The following SPTSSA variants were observed in gnomAD, a reference collection of about 807,000 sequenced individuals.
SPTSSA encodes the protein small subunit of serine palmitoyltransferase A.
Under a neutral mutation model 9.1 loss-of-function variants are expected in SPTSSA, and 8 were observed. The ratio of observed to expected loss-of-function variants is 0.88; its 90% CI spans 0.51 to 1.58. SPTSSA has a LOEUF of 1.58. Ranked by LOEUF, SPTSSA falls within the 40% of genes most tolerant of loss-of-function variation. The pLI is 0.00. For missense variants in SPTSSA, 100 were observed against 93.8 expected, an observed-to-expected ratio of 1.07 and a Z score of -0.27; for synonymous variants, 42 against 37.7, an observed-to-expected ratio of 1.11 and a Z score of -0.41.
chr14:34,447,215 C>T (rs948710191), intron 1 of SPTSSA, among the ~76,000 whole-genome samples: 10 of 126,068 alleles, frequency 7.9e-5, no homozygotes, highest in Middle Eastern at 4.4e-3. Flanking sequence ...CAGAGCGAGA[C>T]TCCATCTCTT....
intron 1 of SPTSSA, among the ~76,000 whole-genome samples, chr14:34,441,968 C>T (rs188600592): frequency 5.9e-5 from 9 of 152,182 alleles, no homozygotes; most frequent in South Asian, 2.1e-4. Flanking sequence ...CTCCGCCTCC[C>T]GGGTTCAAGC....
chr14:34,433,966 AAAAAAAAAAC>A lies in SPTSSA; in HGVS notation c.*1225_*1234del, dbSNP rs1883198497. The A allele has an allele frequency of 6.6e-6, 1 of 151,232 alleles. No homozygotes were observed. The highest frequency in any genetic ancestry group is 2.5e-5 in the African/African-American group (1 of 40,614). The allele number at this position is 151,232 out of a possible 1,614,324, so 9.4% of individuals were successfully genotyped here. On this transcript the variant is annotated 3_prime_UTR_variant, in exon 2 of 2. Transcript: ENST00000298130. ...CGACAGGGCAAGACTCCGTCTCAAAAAAAAAAAAACAAAAAAACAACCCAGCAACACACAT... is the reference window on the plus strand; with the variant it reads ...CGACAGGGCAAGACTCCGTCTCAAAAAAAAAAACAACCCAGCAACACACAT...
At position 34,433,469 on chromosome 14, in the gene SPTSSA, G is replaced by A. The variant is rs1883189444; in HGVS notation, c.*1732C>T. ...GTTAAATCCTCGTATTATTTTTCTT[G>A]AGATAATATGACTACAGCTCAGATA... is the stretch of plus-strand genomic sequence containing the variant. On this transcript the variant is annotated 3_prime_UTR_variant, in exon 2 of 2. Coordinates refer to ENST00000298130, the MANE Select transcript of SPTSSA (RefSeq NM_138288.4). 1 of 152,020 alleles carries A rather than the reference G, an allele frequency of 6.6e-6. No individual in the cohort carries two copies. The highest frequency in any genetic ancestry group is 2.4e-5 in the African/African-American group (1 of 41,394). The allele number at this position is 152,020 out of a possible 1,614,324, so 9.4% of individuals were successfully genotyped here.
intron 1 of SPTSSA, among the ~76,000 whole-genome samples, chr14:34,452,799 A>C (rs952939621): frequency 6.6e-6 from 1 of 152,234 alleles, no homozygotes; most frequent in African/African-American, 2.4e-5. Flanking sequence ...CTGCTACAGT[A>C]CATGTTTCTG....
At chr14:34,454,955 C>G (rs1192934917) in intron 1 of SPTSSA, among the ~76,000 whole-genome samples, 3 of 151,992 alleles carry the variant, frequency 2.0e-5, no homozygotes, top group Non-Finnish European at 4.4e-5. Flanking sequence ...GGTGTGGTGG[C>G]AGGCACCTGT....
intron 1 of SPTSSA, among the ~76,000 whole-genome samples, chr14:34,451,591 C>T (rs891129363): frequency 1.4e-4 from 21 of 151,680 alleles, no homozygotes; most frequent in African/African-American, 2.9e-4. Context: ...GGCGCGGTGG[C>T]GGGCGCCTGT....
chr14:34,451,564 A>G (rs1055449493), intron 1 of SPTSSA, among the ~76,000 whole-genome samples: 7 of 152,104 alleles, frequency 4.6e-5, no homozygotes, highest in African/African-American at 1.7e-4. Context: ...TCTACTAAAA[A>G]TACAAAAAAT....
At chr14:34,438,320 T>C (rs942660200) in intron 1 of SPTSSA, among the ~76,000 whole-genome samples, 10 of 152,176 alleles carry the variant, frequency 6.6e-5, no homozygotes, top group African/African-American at 2.4e-4. Flanking sequence ...ATATTTGCAT[T>C]ATACTTAACC....
At chr14:34,459,057 C>T (rs1179884768) in intron 1 of SPTSSA, among the ~76,000 whole-genome samples, 1 of 151,914 alleles carries the variant, frequency 6.6e-6, no homozygotes, top group Non-Finnish European at 1.5e-5. Context: ...GCGTCCACCA[C>T]CACACTCGGC....
At chr14:34,460,068 C>T (rs28505950) in intron 1 of SPTSSA, among the ~76,000 whole-genome samples, 13,647 of 152,090 alleles carry the variant, frequency 0.09, 1,251 homozygotes, top group African/African-American at 0.24. Flanking sequence ...GGAAAAAAAT[C>T]CAGTTTTCTC....
intron 1 of SPTSSA, among the ~76,000 whole-genome samples, chr14:34,451,021 ATTTT>A (rs770553832): frequency 7.0e-6 from 1 of 142,554 alleles, no homozygotes; most frequent in Non-Finnish European, 1.5e-5. Flanking sequence ...AGAAATAAAG[ATTTT>A]TTTTTTTTTT....
Position 34,435,022 on chromosome 14 carries a change from A to C in SPTSSA, c.*179T>G, listed in dbSNP as rs1883216050. On this transcript the variant is annotated 3_prime_UTR_variant, in exon 2 of 2. Coordinates refer to ENST00000298130, the MANE Select transcript of SPTSSA (RefSeq NM_138288.4). ...TATACAAGAGCCTCTTTGAAAATTA[A>C]AAATAAAGAACACAACACATGAGTC... is the stretch of plus-strand genomic sequence containing the variant. 1 of 427,096 alleles carries C rather than the reference A, an allele frequency of 2.3e-6. No individual in the cohort carries two copies. Among genetic ancestry groups the C allele is most frequent in the African/African-American group, 2.0e-5 (1 of 49,630 alleles). The allele number at this position is 427,096 out of a possible 1,614,324, so 26.5% of individuals were successfully genotyped here.
rs538353235 is a variant in SPTSSA, at chr14:34,459,611, T to A, written c.112+2485A>T. On this transcript the variant is annotated intron_variant, in intron 1 of 1. Coordinates refer to ENST00000298130, the MANE Select transcript of SPTSSA (RefSeq NM_138288.4). ...GCCTGGCCAACATGGCGAAACCCCA[T>A]CTCTACTAAAAATACAAAAATTAGC... 9.4e-5 allele frequency among the ~76,000 whole-genome samples: 14 copies of A among 149,312 alleles called. No individual in the cohort carries two copies. In the East Asian group the frequency reaches 2.8e-3, roughly 30 times the overall value.
chr14:34,457,904 A>G (rs1190006223), intron 1 of SPTSSA, among the ~76,000 whole-genome samples: 1 of 147,096 alleles, frequency 6.8e-6, no homozygotes, highest in African/African-American at 2.5e-5. Flanking sequence ...TCCCAGAGGC[A>G]GAGGCTGCAG....
intron 1 of SPTSSA, among the ~76,000 whole-genome samples, chr14:34,445,942 G>C (rs879668932): frequency 6.6e-6 from 1 of 152,182 alleles, no homozygotes; most frequent in African/African-American, 2.4e-5. Flanking sequence ...TTACTGGGAA[G>C]ACAATTAAAG....
rs140183331 is a variant in SPTSSA, at chr14:34,453,842, T to C, written c.112+8254A>G. ...TATCAAGTACATCTTCTAGAACACA[T>C]AGCTTAAATTACTAAATTTGAGCAT... On this transcript the variant is annotated intron_variant, in intron 1 of 1. Coordinates refer to ENST00000298130, the MANE Select transcript of SPTSSA (RefSeq NM_138288.4). Among the ~76,000 whole-genome samples the C allele has an allele frequency of 5.5e-4, 83 of 151,946 alleles. 1 individual carries two copies. The highest frequency in any genetic ancestry group is 1.8e-3 in the African/African-American group (76 of 41,404).
At chr14:34,457,601 C>T (rs992400186) in intron 1 of SPTSSA, among the ~76,000 whole-genome samples, 1 of 152,144 alleles carries the variant, frequency 6.6e-6, no homozygotes, top group African/African-American at 2.4e-5. Flanking sequence ...AGAAACATGT[C>T]TGCACATGGA....
At position 34,462,192 on chromosome 14, in the gene SPTSSA, G is replaced by T; in HGVS notation, c.16C>A (p.Leu6Met). MAGMA[L>M]ARAWKQMSWF... is the part of the protein sequence containing the mutation. ...GACATCTGCTTCCAGGCCCGCGCCA[G>T]CGCCATCCCCGCCATGCGCCTCCCG... is the stretch of plus-strand genomic sequence containing the variant. Residue 6 changes from leucine (L) to methionine (M), a missense_variant, in exon 1 of 2, where the codon CTG (leucine) becomes ATG (methionine). Leu to Met is a conservative substitution (Grantham distance 15). Transcript: ENST00000298130. 1 of 1,531,886 alleles carries T rather than the reference G, an allele frequency of 6.5e-7. No individual in the cohort carries two copies. The highest frequency in any genetic ancestry group is 8.8e-7 in the Non-Finnish European group (1 of 1,135,868). 94.9% of individuals were successfully genotyped at this position (1,531,886 alleles called of 1,614,324 possible).
At chr14:34,447,014 AG>A (rs1262915068) in intron 1 of SPTSSA, among the ~76,000 whole-genome samples, 2 of 152,070 alleles carry the variant, frequency 1.3e-5, no homozygotes, top group African/African-American at 2.4e-5. Context: ...ACCTGAGGTC[AG>A]GAGTTCGAGA....
Sources: gnomAD v4.1 joint callset for allele counts (sites outside exome capture counted in the v4.1 genomes callset) on GRCh38, gnomAD v4.1.1 for gene constraint, MANE v1.5 for transcripts, NCBI Gene and HGNC (gene_info 2026-07-23, HGNC 2026-07-21) for gene names.